Variants in DPP6 observed in about 807,000 individuals in gnomAD.
DPP6 encodes dipeptidyl peptidase like 6, also known as A-type potassium channel modulatory protein DPP6.
A neutral mutation model predicts 122.6 loss-of-function variants in DPP6; 69 were observed. That is an observed-to-expected ratio of 0.56 (90% CI 0.46 to 0.69). The LOEUF is 0.69. Among genes scored for constraint, DPP6 ranks in the 30% least tolerant of loss-of-function variants. The pLI is 0.00. For missense variants in DPP6, 928 were observed against 1,116.9 expected (o/e 0.83, Z 2.41); for synonymous variants, 418 against 433.1 (o/e 0.97, Z 0.43).
At chr7:154,846,483 G>A (rs1453377504) in intron 16 of DPP6, among the ~76,000 whole-genome samples, 4 of 152,200 alleles carry the variant, frequency 2.6e-5, no homozygotes, top group Non-Finnish European at 5.9e-5. Context: ...AACATTAGCG[G>A]AAAGTCAGCT....
rs1266943839 is a variant in DPP6, at chr7:154,241,783, G to GA, written c.243+188725dup. Among the ~76,000 whole-genome samples the GA allele has an allele frequency of 6.6e-6, 1 of 151,974 alleles. No individual in the cohort carries two copies. The highest frequency in any genetic ancestry group is 1.5e-5 in the Non-Finnish European group (1 of 67,980). Reference sequence around the variant, plus strand: ...AGTTTAAAAAGATTGTCTGCCGACCGAAAAAGTTTATGTCAAAACTACAGA... The same window carrying GA: ...AGTTTAAAAAGATTGTCTGCCGACCGAAAAAAGTTTATGTCAAAACTACAGA... On this transcript the variant is annotated intron_variant, in intron 1 of 25. Transcript: ENST00000377770. This position sits in a 1 kb window ranked among gnomAD's most constrained non-coding sequence, Gnocchi z 9.0.
chr7:154,244,802 T>A (rs1563362066), intron 1 of DPP6, among the ~76,000 whole-genome samples: 1 of 151,832 alleles, frequency 6.6e-6, no homozygotes, highest in Non-Finnish European at 1.5e-5. Context: ...GAAATAGAGA[T>A]TAAATAGGAT....
intron 1 of DPP6, among the ~76,000 whole-genome samples, chr7:154,425,627 T>TGTGG (rs1817846946): frequency 8.7e-6 from 1 of 115,490 alleles, no homozygotes; most frequent in African/African-American, 5.7e-5. Flanking sequence ...TGTGGGTGTG[T>TGTGG]GTGTGTGTGT....
intron 1 of DPP6, chr7:154,057,877 CG>C (rs1413263195): frequency 1.3e-5 from 2 of 150,760 alleles, no homozygotes; most frequent in African/African-American, 5.0e-5. Context: ...TGGCTGAGGC[CG>C]GTAGCCTACG....
Position 153,966,251 on chromosome 7 carries a change from G to T in DPP6, c.51+78517G>T, listed in dbSNP as rs3864501. Among the ~76,000 whole-genome samples, 1,333 of 149,720 alleles carry T rather than the reference G, an allele frequency of 8.9e-3. 29 individuals are homozygous for T. Among genetic ancestry groups the T allele is most frequent in the African/African-American group, 0.021 (819 of 39,740 alleles). On this transcript the variant is annotated intron_variant, in intron 1 of 25. Transcript: ENST00000404039. ...GGCTGTGACCTGAACTATATCTGAC[G>T]AAGTCAGCAATTGCTTTGTGTGTTT... is the stretch of plus-strand genomic sequence containing the variant.
At chr7:154,647,672 G>A (rs1836576947) in intron 6 of DPP6, among the ~76,000 whole-genome samples, 1 of 152,290 alleles carries the variant, frequency 6.6e-6, no homozygotes, top group East Asian at 1.9e-4. Flanking sequence ...GGGAATCTGT[G>A]CTTCAGACAG....
chr7:154,394,976 T>C (rs1586151613), intron 1 of DPP6, among the ~76,000 whole-genome samples: 1 of 152,204 alleles, frequency 6.6e-6, no homozygotes, highest in East Asian at 1.9e-4. Context: ...TATCACTTTG[T>C]GTGGTGCCTT....
intron 1 of DPP6, chr7:154,055,816 G>A (rs1013211333): frequency 3.3e-5 from 5 of 152,220 alleles, no homozygotes; most frequent in Admixed American, 2.6e-4. Flanking sequence ...TGGCTTGTCA[G>A]GGAAGACTGT....
intron 1 of DPP6, among the ~76,000 whole-genome samples, chr7:154,332,729 C>T (rs1809059722): frequency 6.6e-6 from 1 of 152,190 alleles, no homozygotes; most frequent in Admixed American, 6.5e-5. Flanking sequence ...GAGATTCTGT[C>T]TCCCCCCTCC....
At chr7:153,923,447 G>T (rs1219344428) in intron 1 of DPP6, among the ~76,000 whole-genome samples, 2 of 152,068 alleles carry the variant, frequency 1.3e-5, no homozygotes, top group Non-Finnish European at 2.9e-5. Flanking sequence ...GTCCAAGGAG[G>T]CAGTGTTCAT....
chr7:154,627,423 C>T (rs1192715287), intron 5 of DPP6, among the ~76,000 whole-genome samples: 1 of 151,830 alleles, frequency 6.6e-6, no homozygotes, highest in Non-Finnish European at 1.5e-5. Flanking sequence ...TGGTCTCGAT[C>T]TCTTGACCTC....
chr7:154,633,376 A>G (rs979100832), intron 5 of DPP6, among the ~76,000 whole-genome samples: 1 of 152,114 alleles, frequency 6.6e-6, no homozygotes, highest in Non-Finnish European at 1.5e-5. Context: ...AGCTGCGATT[A>G]CAGGCACCCG....
intron 16 of DPP6, among the ~76,000 whole-genome samples, chr7:154,829,735 T>C (rs1351689942): frequency 1.3e-5 from 2 of 152,094 alleles, no homozygotes; most frequent in African/African-American, 2.4e-5. Flanking sequence ...TGTGATTAGC[T>C]TGGTAATTCT....
intron 1 of DPP6, among the ~76,000 whole-genome samples, chr7:154,387,954 A>G (rs1814262726): frequency 2.0e-5 from 3 of 151,172 alleles, no homozygotes; most frequent in South Asian, 2.1e-4. Context: ...TTTTTTTTTC[A>G]ACTGTTGTAC....
chr7:154,213,790 C>G (rs917846271), intron 1 of DPP6, among the ~76,000 whole-genome samples: 14 of 152,088 alleles, frequency 9.2e-5, no homozygotes, highest in African/African-American at 2.9e-4. Flanking sequence ...GCCCGTCATG[C>G]GGTCCCTTGA....
chr7:154,122,110 C>T (rs1208327551), intron 1 of DPP6, among the ~76,000 whole-genome samples: 1 of 152,182 alleles, frequency 6.6e-6, no homozygotes, highest in East Asian at 1.9e-4. Flanking sequence ...GCTTTAGAAA[C>T]AATGGACTCA....
intron 1 of DPP6, among the ~76,000 whole-genome samples, chr7:154,167,886 G>A (rs1026541185): frequency 1.3e-5 from 2 of 152,210 alleles, no homozygotes; most frequent in African/African-American, 2.4e-5. Context: ...GGCTCAGAGT[G>A]TATGCAGGGC....
chr7:154,618,262 G>A lies in DPP6; in HGVS notation c.628-19559G>A, dbSNP rs536918370. Among the ~76,000 whole-genome samples, 4 of 152,238 alleles carry A rather than the reference G, an allele frequency of 2.6e-5. No homozygotes were observed. The highest frequency in any genetic ancestry group is 1.9e-4 in the East Asian group (1 of 5,162). Reference sequence around the variant, plus strand: ...TTGCCCCTAATGGGTTTCCAGGGTCGTGTCCTTTCCCAACCCCTGAGGAAG... The same window carrying A: ...TTGCCCCTAATGGGTTTCCAGGGTCATGTCCTTTCCCAACCCCTGAGGAAG... On this transcript the variant is annotated intron_variant, in intron 5 of 25. Coordinates refer to ENST00000377770, the MANE Select transcript of DPP6 (RefSeq NM_130797.4). The surrounding 1 kb of genome is among the most constrained non-coding windows in gnomAD (Gnocchi z 4.1).
intron 1 of DPP6, among the ~76,000 whole-genome samples, chr7:153,912,190 G>A (rs1800119985): frequency 6.6e-6 from 1 of 152,042 alleles, no homozygotes; most frequent in Non-Finnish European, 1.5e-5. Flanking sequence ...TGCCACTGAA[G>A]AAGTTCAGAG....
Sources: gnomAD v4.1 joint callset for allele counts (sites outside exome capture counted in the v4.1 genomes callset) on GRCh38, gnomAD v4.1.1 for gene constraint, Gnocchi (gnomAD v3.1) non-coding constraint, MANE v1.5 for transcripts, NCBI Gene and HGNC (gene_info 2026-07-23, HGNC 2026-07-21) for gene names.